FHIP1A: variants seen among roughly 807,000 people sequenced by gnomAD.
FHIP1A encodes FHF complex subunit HOOK interacting protein 1A.
Under a neutral mutation model 88.6 loss-of-function variants are expected in FHIP1A, and 61 were observed. The ratio of observed to expected loss-of-function variants is 0.69; its 90% CI spans 0.56 to 0.85. The LOEUF (loss-of-function observed/expected upper bound fraction) is 0.85. Ranked by LOEUF, FHIP1A falls within the 40% of genes least tolerant of loss-of-function variation. FHIP1A has a pLI of 0.00. For missense variants in FHIP1A, 1,154 were observed against 1,273.5 expected (o/e 0.91, Z 1.43); for synonymous variants, 478 against 496.0 (o/e 0.96, Z 0.48).
At chr4:151,588,385 T>C (rs916437190) in intron 6 of FHIP1A, among the ~76,000 whole-genome samples, 1 of 152,160 alleles carries the variant, frequency 6.6e-6, no homozygotes, top group Non-Finnish European at 1.5e-5. Flanking sequence ...AAAATAAATG[T>C]ATTTAATTGT....
At chr4:151,600,881 G>A (rs1054762006) in intron 7 of FHIP1A, among the ~76,000 whole-genome samples, 2 of 152,158 alleles carry the variant, frequency 1.3e-5, no homozygotes, top group Non-Finnish European at 2.9e-5. Flanking sequence ...AGTCTCCTAA[G>A]GCTGGGGAAC....
In FHIP1A at chr4:151,666,284, A is replaced by G. The variant is rs1238276246; in HGVS notation, c.*3530A>G. On this transcript the variant is annotated 3_prime_UTR_variant, in exon 14 of 14. Transcript: ENST00000435205. ...CCAGTTAGAGATGTGATTTTTCTTT[A>G]CCATTAGATACCTCCTTTCCCTGGT... 6.6e-6 allele frequency among the ~76,000 whole-genome samples: 1 copy of G among 152,198 alleles called. No individual in the cohort carries two copies. Among genetic ancestry groups the G allele is most frequent in the Non-Finnish European group, 1.5e-5 (1 of 68,044 alleles).
chr4:151,596,928 G>A (rs1357498308), intron 7 of FHIP1A, among the ~76,000 whole-genome samples: 1 of 151,934 alleles, frequency 6.6e-6, no homozygotes, highest in African/African-American at 2.4e-5. Context: ...ATTCCTCTAC[G>A]CTTTTTTCAA....
intron 7 of FHIP1A, among the ~76,000 whole-genome samples, chr4:151,601,833 T>A (rs184653072): frequency 1.4e-4 from 22 of 151,888 alleles, no homozygotes; most frequent in African/African-American, 5.1e-4. Flanking sequence ...ACGCTGCTGA[T>A]AAAGACATAC....
intron 3 of FHIP1A, among the ~76,000 whole-genome samples, chr4:151,537,535 A>G (rs1373050414): frequency 6.6e-6 from 1 of 152,148 alleles, no homozygotes; most frequent in Non-Finnish European, 1.5e-5. Context: ...TATTTTTGCC[A>G]GTCTGTAGTT....
intron 3 of FHIP1A, among the ~76,000 whole-genome samples, chr4:151,553,431 C>G (rs921606361): frequency 6.6e-6 from 1 of 152,128 alleles, no homozygotes; most frequent in African/African-American, 2.4e-5. Context: ...GGTGATTTAT[C>G]TCTCAATACA....
chr4:151,625,325 G>T (rs954484408), intron 7 of FHIP1A, among the ~76,000 whole-genome samples: 14 of 152,048 alleles, frequency 9.2e-5, no homozygotes, highest in African/African-American at 3.1e-4. Flanking sequence ...TTTGGAGAGG[G>T]TGCCACCTGC....
At chr4:151,485,723 C>A (rs1039928498) in intron 3 of FHIP1A, among the ~76,000 whole-genome samples, 1 of 151,964 alleles carries the variant, frequency 6.6e-6, no homozygotes, top group Admixed American at 6.6e-5. Context: ...TCCTGAGTAG[C>A]TGGTATGACA....
chr4:151,643,529 A>G (rs1485138574), intron 9 of FHIP1A, among the ~76,000 whole-genome samples: 2 of 152,208 alleles, frequency 1.3e-5, no homozygotes, highest in African/African-American at 4.8e-5. Flanking sequence ...TAATTTCTCT[A>G]CTGTACTATT....
chr4:151,617,611 C>T (rs541284285), intron 7 of FHIP1A, among the ~76,000 whole-genome samples: 15 of 152,276 alleles, frequency 9.9e-5, no homozygotes, highest in African/African-American at 2.6e-4. Context: ...CTGGGCCAGG[C>T]GCGGTGGCTC....
chr4:151,590,590 G>A (rs1340235886), intron 7 of FHIP1A, among the ~76,000 whole-genome samples: 1 of 152,200 alleles, frequency 6.6e-6, no homozygotes, highest in African/African-American at 2.4e-5. Flanking sequence ...TATCACATGT[G>A]TTTTATTCAC....
chr4:151,654,305 G>C lies in FHIP1A; in HGVS notation c.2552-1927G>C, dbSNP rs529617392. Among the ~76,000 whole-genome samples, 455 of 152,080 alleles carry C rather than the reference G, an allele frequency of 3.0e-3. 4 individuals carry two copies. The highest frequency in any genetic ancestry group is 9.8e-3 in the African/African-American group (405 of 41,470). The stretch of plus-strand genomic sequence containing the variant: ...ATGATCTTCCTCTCCACAGGGCATG[G>C]GATTCAAGCTCATGTGCCCCCCCAC... On this transcript the variant is annotated intron_variant, in intron 11 of 13. Transcript: ENST00000435205.
intron 3 of FHIP1A, among the ~76,000 whole-genome samples, chr4:151,492,832 G>A (rs1730332716): frequency 6.6e-6 from 1 of 152,090 alleles, no homozygotes; most frequent in Admixed American, 6.5e-5. Context: ...TACAGCAAAA[G>A]CGATGCTAAG....
chr4:151,437,896 C>T (rs1728260815), intron 1 of FHIP1A, among the ~76,000 whole-genome samples: 2 of 152,200 alleles, frequency 1.3e-5, no homozygotes, highest in East Asian at 3.9e-4. Flanking sequence ...GAAAAGGAAA[C>T]TTCTTTTTTT....
intron 8 of FHIP1A, among the ~76,000 whole-genome samples, chr4:151,636,087 A>C (rs184000081): frequency 2.0e-5 from 3 of 152,114 alleles, no homozygotes; most frequent in Admixed American, 6.5e-5. Context: ...AACACTAGCA[A>C]ATGAAATCTA....
In FHIP1A at chr4:151,666,957, T is replaced by C. The variant is rs1223770825; in HGVS notation, c.*4203T>C. Among the ~76,000 whole-genome samples the C allele has an allele frequency of 6.6e-6, 1 of 152,234 alleles. No homozygotes were observed. The highest frequency in any genetic ancestry group is 2.4e-5 in the African/African-American group (1 of 41,466). On this transcript the variant is annotated 3_prime_UTR_variant, in exon 14 of 14. Coordinates refer to ENST00000435205, the MANE Select transcript of FHIP1A (RefSeq NM_001109977.3). ...CCCGGCGTGGTGTTCAGTATCTGCA[T>C]ATGCCCCAGTTCTCATTTAAGGGCA...
chr4:151,432,999 A>T (rs926975134), intron 1 of FHIP1A, among the ~76,000 whole-genome samples: 1 of 152,130 alleles, frequency 6.6e-6, no homozygotes, highest in Non-Finnish European at 1.5e-5. Context: ...GTATGGTTGT[A>T]TTACTAATGA....
intron 3 of FHIP1A, among the ~76,000 whole-genome samples, chr4:151,552,084 C>G (rs1732758675): frequency 6.6e-6 from 1 of 152,214 alleles, no homozygotes; most frequent in Admixed American, 6.5e-5. Flanking sequence ...AAGTGCTCAT[C>G]ATCACTGGTC....
intron 1 of FHIP1A, among the ~76,000 whole-genome samples, 192 bp from the exon 2 acceptor site, chr4:151,454,509 A>G (rs550612947): frequency 2.6e-5 from 4 of 152,258 alleles, no homozygotes; most frequent in Admixed American, 1.3e-4. Flanking sequence ...TAAAATTTTT[A>G]TATTCCTAAG....
Sources: gnomAD v4.1 joint callset for allele counts (sites outside exome capture counted in the v4.1 genomes callset) on GRCh38, gnomAD v4.1.1 for gene constraint, MANE v1.5 for transcripts, NCBI Gene and HGNC (gene_info 2026-07-23, HGNC 2026-07-21) for gene names.